CEP63: variants seen among roughly 807,000 people sequenced by gnomAD.
The protein encoded by CEP63 is centrosomal protein 63, also known as centrosomal protein of 63 kDa.
In CEP63, 84 loss-of-function variants were observed where a neutral mutation model predicts 89.1. That is an observed-to-expected ratio of 0.94 (90% CI 0.79 to 1.13). The LOEUF is 1.13. Ranked by LOEUF, CEP63 falls within the 50% of genes most tolerant of loss-of-function variation. The probability of loss-of-function intolerance (pLI) is 0.00; values close to 1 mark genes in which losing one functional copy is unlikely to be tolerated. For synonymous variants in CEP63, 267 were observed against 272.5 expected (o/e 0.98, Z 0.20); for missense variants, 838 against 813.3 (o/e 1.03, Z -0.37).
the CEP63 span, among the ~76,000 whole-genome samples, chr3:134,679,067 C>G: frequency 6.6e-6 from 1 of 150,636 alleles, no homozygotes. Flanking sequence ...GACATCCATG[C>G]TTTTGGAAAT....
At chr3:134,647,068 A>T in the CEP63 span, among the ~76,000 whole-genome samples, 3 of 152,364 alleles carry the variant, frequency 2.0e-5, no homozygotes, top group South Asian at 6.2e-4. Context: ...CCCAAGGCAG[A>T]CGACTATCCT....
chr3:134,570,955 A>T (rs1957985089), intron 11 of CEP63, among the ~76,000 whole-genome samples: 1 of 152,166 alleles, frequency 6.6e-6, no homozygotes, highest in African/African-American at 2.4e-5. Context: ...CTTGTTAAAA[A>T]CATCAGATCT....
At chr3:134,705,080 T>C in the CEP63 span, among the ~76,000 whole-genome samples, 1 of 152,194 alleles carries the variant, frequency 6.6e-6, no homozygotes, top group Non-Finnish European at 1.5e-5. Flanking sequence ...AAAAATAACC[T>C]GCAAGAGGCT....
At chr3:134,545,049 A>G (rs975061208) in intron 6 of CEP63, among the ~76,000 whole-genome samples, 1 of 152,112 alleles carries the variant, frequency 6.6e-6, no homozygotes, top group Non-Finnish European at 1.5e-5. Flanking sequence ...GCTGCAGTGC[A>G]GTGGCGCAAT....
downstream of CEP63, among the ~76,000 whole-genome samples, chr3:134,579,990 G>C (rs1958306297): frequency 1.3e-5 from 2 of 152,188 alleles, no homozygotes; most frequent in South Asian, 4.1e-4. Context: ...GAGGTCAGGA[G>C]TTTGAGACTA....
intron 12 of CEP63, chr3:134,553,239 A>G (rs1955308860): frequency 6.6e-6 from 1 of 152,114 alleles, no homozygotes; most frequent in Non-Finnish European, 1.5e-5. Context: ...GCAAAAGACT[A>G]TTATAGAGTA....
At chr3:134,578,617 A>C (rs947421406), downstream of CEP63, among the ~76,000 whole-genome samples, 4 of 152,094 alleles carry the variant, frequency 2.6e-5, no homozygotes, top group African/African-American at 4.8e-5. Flanking sequence ...GGCGTGAGCC[A>C]CCATGCCCAG....
the CEP63 span, among the ~76,000 whole-genome samples, chr3:134,718,137 G>A: frequency 6.6e-6 from 1 of 152,148 alleles, no homozygotes; most frequent in Non-Finnish European, 1.5e-5. Flanking sequence ...CACCATGTTT[G>A]TATGATTGGT....
At chr3:134,712,894 A>T in the CEP63 span, among the ~76,000 whole-genome samples, 1 of 152,126 alleles carries the variant, frequency 6.6e-6, no homozygotes, top group African/African-American at 2.4e-5. Flanking sequence ...AGGCAAGGAG[A>T]GAGCTGGGAC....
At chr3:134,548,071 GCAT>G (rs1258284648) in intron 9 of CEP63, among the ~76,000 whole-genome samples, 2 of 152,030 alleles carry the variant, frequency 1.3e-5, no homozygotes, top group African/African-American at 4.8e-5. Flanking sequence ...TTTCTCTTCT[GCAT>G]CATCAAGTTC....
the CEP63 span, among the ~76,000 whole-genome samples, chr3:134,745,054 A>G: frequency 2.0e-5 from 3 of 152,066 alleles, no homozygotes; most frequent in African/African-American, 7.2e-5. Flanking sequence ...ACCCCAAAGA[A>G]TTTCCTCCTG....
intron 1 of CEP63, among the ~76,000 whole-genome samples, chr3:134,489,544 C>T (rs1476154697): frequency 3.9e-5 from 6 of 152,256 alleles, no homozygotes; most frequent in Admixed American, 3.9e-4. Context: ...TTCCCCAAGA[C>T]TCTTTCACTT....
rs1957379173 is a variant in CEP63, at chr3:134,561,868, C to T, written c.*333C>T. 2 of 1,068,714 alleles carry T rather than the reference C, an allele frequency of 1.9e-6. No homozygotes were observed. The highest frequency in any genetic ancestry group is 2.3e-6 in the Non-Finnish European group (2 of 880,278). 66.2% of individuals were successfully genotyped at this position (1,068,714 alleles called of 1,614,324 possible). ...TAATTGAAATAAGGATTTTATGATACATGTTGAAAATAAAGTAACTGCAGG... is the reference window on the plus strand; with the variant it reads ...TAATTGAAATAAGGATTTTATGATATATGTTGAAAATAAAGTAACTGCAGG... On this transcript the variant is annotated 3_prime_UTR_variant, in exon 15 of 15. Coordinates refer to ENST00000675561, the MANE Select transcript of CEP63 (RefSeq NM_001353108.3).
the CEP63 span, among the ~76,000 whole-genome samples, chr3:134,749,717 A>C: frequency 1.1e-5 from 1 of 92,404 alleles, no homozygotes; most frequent in Non-Finnish European, 2.2e-5. Flanking sequence ...AAAAAAAAAA[A>C]AAAAAAAAAA....
Position 134,581,159 on chromosome 3 carries a change from C to A in CEP63, c.1207-6299C>A, listed in dbSNP as rs556711481. ...AGGAAAGAACACAGCCCTGTTAACA[C>A]CCTGAGTATAGCCCAGAGAACCTCA... On this transcript the variant is annotated intron_variant, in intron 10 of 10. Coordinates refer to the CEP63 transcript ENST00000683931. Among the ~76,000 whole-genome samples, 3 of 152,306 alleles carry A rather than the reference C, an allele frequency of 2.0e-5. No individual in the cohort carries two copies. The East Asian group carries it at 5.8e-4, about 29-fold the overall frequency.
chr3:134,508,041 C>T (rs1181344544), intron 3 of CEP63, among the ~76,000 whole-genome samples: 3 of 152,172 alleles, frequency 2.0e-5, no homozygotes, highest in African/African-American at 7.2e-5. Context: ...ACCTTTTCTA[C>T]CAGTAGGGTC....
the CEP63 span, among the ~76,000 whole-genome samples, chr3:134,694,820 G>T: frequency 6.6e-6 from 1 of 152,194 alleles, no homozygotes; most frequent in Admixed American, 6.5e-5. Context: ...TTCTCAGCAT[G>T]TCAGGCAAAT....
the CEP63 span, among the ~76,000 whole-genome samples, chr3:134,751,699 A>G: frequency 6.6e-6 from 1 of 152,090 alleles, no homozygotes; most frequent in Admixed American, 6.5e-5. Context: ...TTTATCTGCA[A>G]CCACAGGGAA....
chr3:134,532,289 A>G (rs1310914102), intron 4 of CEP63, among the ~76,000 whole-genome samples: 1 of 152,232 alleles, frequency 6.6e-6, no homozygotes, highest in Non-Finnish European at 1.5e-5. Context: ...GGATCCAAAG[A>G]TTTAAGAAAC....
Sources: allele counts gnomAD v4.1 joint callset (sites outside exome capture counted in the v4.1 genomes callset), GRCh38; gene constraint gnomAD v4.1.1; transcripts MANE v1.5; gene names NCBI Gene and HGNC (gene_info 2026-07-23, HGNC 2026-07-21).